Variants in SLC14A2 observed in about 807,000 individuals in gnomAD.
The protein encoded by SLC14A2 is solute carrier family 14 member 2.
In SLC14A2, 91 loss-of-function variants were observed where a neutral mutation model predicts 104.6. The ratio of observed to expected loss-of-function variants is 0.87; its 90% CI spans 0.73 to 1.04. The LOEUF is 1.04. Among genes scored for constraint, SLC14A2 ranks in the 50% least tolerant of loss-of-function variants. SLC14A2 has a pLI of 0.00. For synonymous variants in SLC14A2, 476 were observed against 466.4 expected, an observed-to-expected ratio of 1.02 and a Z score of -0.27; for missense variants, 1,189 against 1,156.0, an observed-to-expected ratio of 1.03 and a Z score of -0.41.
intron 2 of SLC14A2, among the ~76,000 whole-genome samples, chr18:45,500,055 A>C (rs543849392): frequency 4.9e-4 from 75 of 152,350 alleles, no homozygotes; most frequent in South Asian, 1.9e-3. Context: ...AATCATGGAT[A>C]ATATAATTAT....
chr18:45,283,169 C>T (rs1338206204), intron 1 of SLC14A2, among the ~76,000 whole-genome samples: 1 of 151,998 alleles, frequency 6.6e-6, no homozygotes, highest in Non-Finnish European at 1.5e-5. Context: ...TTAATACCCG[C>T]TCTAAGGAAA....
chr18:45,304,112 C>T (rs1278342193), intron 1 of SLC14A2, among the ~76,000 whole-genome samples: 1 of 152,144 alleles, frequency 6.6e-6, no homozygotes, highest in Non-Finnish European at 1.5e-5. Context: ...CCACCATTCC[C>T]CAGGAAGACC....
chr18:45,426,543 CATGTGTGTGTGT>C (rs1568196752), intron 1 of SLC14A2, among the ~76,000 whole-genome samples: 1 of 135,118 alleles, frequency 7.4e-6, no homozygotes, highest in Non-Finnish European at 1.6e-5. Context: ...ATGAGATCAG[CATGTGTGTGTGT>C]GTGTGTGTGT....
intron 1 of SLC14A2, among the ~76,000 whole-genome samples, chr18:45,289,636 ACTC>A (rs888377134): frequency 3.2e-4 from 48 of 151,244 alleles, no homozygotes; most frequent in African/African-American, 1.1e-3. Context: ...CAAATGAAAA[ACTC>A]CTTTGGCATC....
At chr18:45,532,116 G>C (rs1171595630) in intron 2 of SLC14A2, among the ~76,000 whole-genome samples, 2 of 152,176 alleles carry the variant, frequency 1.3e-5, no homozygotes, top group African/African-American at 2.4e-5. Flanking sequence ...TTGTAGTATA[G>C]TTTGAAGTCA....
chr18:45,364,922 C>G (rs1036822995), intron 1 of SLC14A2, among the ~76,000 whole-genome samples: 1 of 152,146 alleles, frequency 6.6e-6, no homozygotes, highest in African/African-American at 2.4e-5. Flanking sequence ...TGATCTGAAG[C>G]CCAGTTCTAG....
At chr18:45,652,721 A>G (rs2045761933) in intron 10 of SLC14A2, among the ~76,000 whole-genome samples, 1 of 151,864 alleles carries the variant, frequency 6.6e-6, no homozygotes, top group Non-Finnish European at 1.5e-5. Context: ...GATCTCTTGA[A>G]GAGCCCTTGG....
chr18:45,271,703 T>C (rs1273180383), intron 1 of SLC14A2, among the ~76,000 whole-genome samples: 3 of 152,118 alleles, frequency 2.0e-5, no homozygotes, highest in African/African-American at 7.2e-5. Context: ...AGAATCAATA[T>C]TGTTAAAATG....
chr18:45,237,579 C>A (rs2084268617), intron 1 of SLC14A2, among the ~76,000 whole-genome samples: 2 of 152,222 alleles, frequency 1.3e-5, no homozygotes. Context: ...ATCGTAAATC[C>A]TCCTGAGCCT....
intron 1 of SLC14A2, among the ~76,000 whole-genome samples, chr18:45,467,841 C>T (rs1228470246): frequency 2.0e-5 from 3 of 152,122 alleles, no homozygotes; most frequent in Non-Finnish European, 4.4e-5. Flanking sequence ...AAAAAAAACA[C>T]ACTGTGAATT....
At chr18:45,347,142 G>A (rs867559164) in intron 1 of SLC14A2, among the ~76,000 whole-genome samples, 1 of 152,012 alleles carries the variant, frequency 6.6e-6, no homozygotes, top group Admixed American at 6.6e-5. Context: ...GATCACTTCA[G>A]CTCAGGAGTT....
At chr18:45,362,319 C>A (rs1384803329) in intron 1 of SLC14A2, among the ~76,000 whole-genome samples, 1 of 152,184 alleles carries the variant, frequency 6.6e-6, no homozygotes, top group East Asian at 1.9e-4. Flanking sequence ...ACTAACACAA[C>A]TGGGGAGTAG....
chr18:45,476,443 T>A (rs1424279558), intron 1 of SLC14A2, among the ~76,000 whole-genome samples: 2 of 152,294 alleles, frequency 1.3e-5, no homozygotes, highest in Middle Eastern at 3.4e-3. Flanking sequence ...TTGGTGAAGG[T>A]GATGATTATG....
rs772023055 is a variant in SLC14A2 at position 45,520,923 on chromosome 18, AGGGCCTT to A, written c.-35+37604_-35+37610del. ...ATGACCGAAAGTCTGCACAGGTGACAGGGCCTTGGTGATTGGGTGCTTCCCCAGCAGT... is the reference window on the plus strand; with the variant it reads ...ATGACCGAAAGTCTGCACAGGTGACAGGTGATTGGGTGCTTCCCCAGCAGT... On this transcript the variant is annotated intron_variant, in intron 2 of 20. Transcript: ENST00000586448. Among the ~76,000 whole-genome samples the A allele has an allele frequency of 1.5e-3, 228 of 152,318 alleles. 1 individual carries two copies. Among genetic ancestry groups the A allele is most frequent in the Non-Finnish European group, 2.6e-3 (180 of 68,036 alleles).
At chr18:45,477,403 T>A (rs1187398045) in intron 1 of SLC14A2, among the ~76,000 whole-genome samples, 1 of 152,162 alleles carries the variant, frequency 6.6e-6, no homozygotes, top group Non-Finnish European at 1.5e-5. Context: ...AGCTCTCCTG[T>A]ATGAGGTGTC....
At chr18:45,351,747 T>C (rs1203180911) in intron 1 of SLC14A2, among the ~76,000 whole-genome samples, 1 of 152,182 alleles carries the variant, frequency 6.6e-6, no homozygotes, top group African/African-American at 2.4e-5. Flanking sequence ...GGGAAATGTT[T>C]CCCTCTGAGA....
chr18:45,311,650 A>T (rs2085080201), intron 1 of SLC14A2, among the ~76,000 whole-genome samples: 1 of 152,228 alleles, frequency 6.6e-6, no homozygotes, highest in Non-Finnish European at 1.5e-5. Context: ...AAAGACTGAA[A>T]AACTCCTTCG....
chr18:45,315,648 G>A (rs2085122108), intron 1 of SLC14A2, among the ~76,000 whole-genome samples: 1 of 152,102 alleles, frequency 6.6e-6, no homozygotes, highest in Admixed American at 6.5e-5. Flanking sequence ...CTGACTGGGG[G>A]CTTGAGGGTT....
At chr18:45,177,090 G>A in the SLC14A2 span, among the ~76,000 whole-genome samples, 11 of 152,086 alleles carry the variant, frequency 7.2e-5, no homozygotes, top group Non-Finnish European at 1.6e-4. Context: ...GACCTAAGGG[G>A]CATGCTTGAC....
Sources: gnomAD v4.1 joint callset for allele counts (sites outside exome capture counted in the v4.1 genomes callset) on GRCh38, gnomAD v4.1.1 for gene constraint, MANE v1.5 for transcripts, NCBI Gene and HGNC (gene_info 2026-07-23, HGNC 2026-07-21) for gene names.